The following AHRR variants were observed in gnomAD, a reference collection of about 807,000 sequenced individuals.
The protein encoded by AHRR is ahR repressor.
In AHRR, 28 loss-of-function variants were observed where a neutral mutation model predicts 44.0. That is an observed-to-expected ratio of 0.64 (90% CI 0.47 to 0.87). The LOEUF is 0.87. AHRR is among the 40% of genes least tolerant of loss of function. The pLI is 0.00. For missense variants in AHRR, 990 were observed against 953.9 expected (o/e 1.04, Z -0.50); for synonymous variants, 434 against 407.0 (o/e 1.07, Z -0.80).
Position 326,614 on chromosome 5 carries a change from C to G in AHRR, c.-11+4795C>G, listed in dbSNP as rs542321673. On this transcript the variant is annotated intron_variant, in intron 1 of 10. Transcript: ENST00000684583. This position sits in a 1 kb window ranked among gnomAD's most constrained non-coding sequence, Gnocchi z 4.1. ...AGGTGTGTACCTAGGAGTGGAGTTA[C>G]TGGATCATATAGTGATTCTGTGTTT... Among the ~76,000 whole-genome samples the G allele has an allele frequency of 5.9e-5, 9 of 152,300 alleles. No individual in the cohort carries two copies. The South Asian group carries it at 1.9e-3, about 32-fold the overall frequency.
rs1003749620 is a variant in AHRR, at chr5:383,568, T to C, written c.351+6852T>C. The stretch of plus-strand genomic sequence containing the variant: ...TAGCATTCCAGCTTTCTTTTCTTTT[T>C]TTTTTTTTAATACAGACAGGGTCTT... On this transcript the variant is annotated intron_variant, in intron 4 of 10. Coordinates refer to ENST00000684583, the MANE Select transcript of AHRR (RefSeq NM_001377236.1). The surrounding 1 kb of genome is among the most constrained non-coding windows in gnomAD (Gnocchi z 4.0). Among the ~76,000 whole-genome samples, 3 of 151,946 alleles carry C rather than the reference T, an allele frequency of 2.0e-5. No homozygotes were observed. The highest frequency in any genetic ancestry group is 2.1e-4 in the South Asian group (1 of 4,826).
At chr5:363,557 C>T (rs185337101) in intron 3 of AHRR, among the ~76,000 whole-genome samples, 1 of 152,320 alleles carries the variant, frequency 6.6e-6, no homozygotes, top group East Asian at 1.9e-4. Flanking sequence ...GAAATGTGCA[C>T]CTTTGATCCA....
At chr5:389,745 G>A (rs1288255934) in intron 4 of AHRR, among the ~76,000 whole-genome samples, 9 of 151,908 alleles carry the variant, frequency 5.9e-5, no homozygotes, top group Non-Finnish European at 8.8e-5. Context: ...CAGGACACAC[G>A]GCACAGGCCC....
At chr5:421,192 G>A in intron 5 of AHRR, 1 of 645,698 alleles carries the variant, frequency 1.5e-6, no homozygotes, top group Non-Finnish European at 2.8e-6. Flanking sequence ...TGCCGGGCAG[G>A]AGGCCCTTGC....
At chr5:415,170 G>T (rs2126515771) in intron 5 of AHRR, among the ~76,000 whole-genome samples, 1 of 152,376 alleles carries the variant, frequency 6.6e-6, no homozygotes, top group South Asian at 2.1e-4. Flanking sequence ...ACACTGCGGG[G>T]TGCACACCGG....
intron 4 of AHRR, among the ~76,000 whole-genome samples, chr5:378,103 G>T (rs1733819448): frequency 1.3e-5 from 2 of 152,218 alleles, no homozygotes; most frequent in Non-Finnish European, 2.9e-5. Flanking sequence ...TATGGTGAGG[G>T]TTCCTCACTG....
rs913994491 is a variant in AHRR at position 437,070 on chromosome 5, CAGGCG to C, written c.*2237_*2241del. 37 of 152,550 alleles carry C rather than the reference CAGGCG, an allele frequency of 2.4e-4. No individual in the cohort carries two copies. Among genetic ancestry groups the C allele is most frequent in the African/African-American group, 7.9e-4 (33 of 41,576 alleles). 9.4% of individuals were successfully genotyped at this position (152,550 alleles called of 1,614,324 possible). On this transcript the variant is annotated 3_prime_UTR_variant, in exon 11 of 11. Coordinates refer to ENST00000684583, the MANE Select transcript of AHRR (RefSeq NM_001377236.1). ...ACCCTTAATAATTAGGCCTGCAGGC[CAGGCG>C]CAGTGGCTCATGCCTATAATCCCAG...
Position 434,491 on chromosome 5 carries a change from T to C in AHRR, c.1751T>C (p.Ile584Thr), listed in dbSNP as rs751469027. 17 of 1,613,130 alleles carry C rather than the reference T, an allele frequency of 1.1e-5. No individual in the cohort carries two copies. The South Asian group carries it at 1.9e-4, about 18-fold the overall frequency. The stretch of plus-strand genomic sequence containing the variant: ...CCAGACTCTCGGCAACAGGTGTACA[T>C]CTCGCACCTGGGGCACGGCGTGCGG... The part of the protein sequence containing the change: ...TEPDSRQQVY[I>T]SHLGHGVRGA... Residue 584 changes from isoleucine to threonine, a missense_variant, in exon 11 of 11, where the codon ATC becomes ACC. Ile to Thr is a moderately conservative substitution (Grantham distance 89). Coordinates refer to ENST00000684583, the MANE Select transcript of AHRR (RefSeq NM_001377236.1).
chr5:389,167 G>A (rs950906634), intron 4 of AHRR, among the ~76,000 whole-genome samples: 2 of 151,686 alleles, frequency 1.3e-5, no homozygotes, highest in African/African-American at 4.8e-5. Context: ...GGGAGCCCGG[G>A]GGCCCAGTGG....
intron 4 of AHRR, among the ~76,000 whole-genome samples, chr5:398,409 C>A (rs116317066): frequency 7.4e-6 from 1 of 135,382 alleles, no homozygotes; most frequent in African/African-American, 2.8e-5. Context: ...GACTGTCCAC[C>A]TTAGCCCCTG....
At chr5:401,237 G>C (rs11750818) in intron 4 of AHRR, among the ~76,000 whole-genome samples, 14,977 of 152,276 alleles carry the variant, frequency 0.098, 1,014 homozygotes, top group Admixed American at 0.13. Flanking sequence ...GGAGTCTGAG[G>C]GGTGGATGCC....
chr5:413,637 T>C (rs1735567078), intron 5 of AHRR, among the ~76,000 whole-genome samples: 1 of 152,152 alleles, frequency 6.6e-6, no homozygotes, highest in African/African-American at 2.4e-5. Flanking sequence ...GGCAAGAGGC[T>C]TCTCAGTGTT....
intron 5 of AHRR, chr5:421,376 G>A: frequency 1.6e-6 from 1 of 618,160 alleles, no homozygotes; most frequent in Non-Finnish European, 2.9e-6. Flanking sequence ...TCCGCGCACA[G>A]TACCAGCCCC....
intron 3 of AHRR, among the ~76,000 whole-genome samples, chr5:354,253 G>A (rs182643289): frequency 3.2e-4 from 49 of 152,336 alleles, no homozygotes; most frequent in Admixed American, 2.7e-3. Flanking sequence ...GTTCCTCCCC[G>A]TGCTGGGCCT....
At chr5:426,435 G>GATGA (rs1411062168) in intron 7 of AHRR, among the ~76,000 whole-genome samples, 1 of 151,164 alleles carries the variant, frequency 6.6e-6, no homozygotes, top group Non-Finnish European at 1.5e-5. Context: ...AAGATGGATG[G>GATGA]ACAGATGGAA....
chr5:370,108 G>A lies in AHRR; in HGVS notation c.245-6502G>A, dbSNP rs548399905. 4.0e-5 allele frequency among the ~76,000 whole-genome samples: 6 copies of A among 148,976 alleles called. No homozygotes were observed. The highest frequency in any genetic ancestry group is 1.0e-4 in the African/African-American group (4 of 39,486). On this transcript the variant is annotated intron_variant, in intron 3 of 10. Transcript: ENST00000684583. This position sits in a 1 kb window ranked among gnomAD's most constrained non-coding sequence, Gnocchi z 4.5. ...GGAAGCCCCGTCCTCCCGGGCCCTC[G>A]CTGGAAGCCCCGTCCTCCCGGGCCC...
rs1272497774 is a variant in AHRR, at chr5:338,317, T to C, written c.-10-5576T>C. 1.3e-5 allele frequency among the ~76,000 whole-genome samples: 2 copies of C among 152,222 alleles called. No homozygotes were observed. The highest frequency in any genetic ancestry group is 4.8e-5 in the African/African-American group (2 of 41,458). ...ATTTTCCTTTGGCCTGTAATGTTTC[T>C]TATAGTGTGGGTCAGCTAGTGATGA... On this transcript the variant is annotated intron_variant, in intron 1 of 10. Coordinates refer to ENST00000684583, the MANE Select transcript of AHRR (RefSeq NM_001377236.1). The surrounding 1 kb of genome is among the most constrained non-coding windows in gnomAD (Gnocchi z 4.1).
intron 3 of AHRR, among the ~76,000 whole-genome samples, chr5:355,818 G>A (rs1043985685): frequency 3.9e-5 from 6 of 152,242 alleles, no homozygotes; most frequent in Non-Finnish European, 8.8e-5. Context: ...ACTCTCAGGG[G>A]CCACCGGCTT....
rs777025129 is a variant in AHRR, at chr5:432,920, T to C, written c.1085T>C (p.Leu362Pro). Reference sequence around the variant, plus strand: ...CTGTGCCTCCGGGGTGGCCCTGACCTTGTCCTTGACCCCAAGGGGGGCTCA... The same window carrying C: ...CTGTGCCTCCGGGGTGGCCCTGACCCTGTCCTTGACCCCAAGGGGGGCTCA... ...PCLCLRGGPD[L>P]VLDPKGGSGD... The change falls in exon 10 of 11, where the codon CTT (leucine) becomes CCT (proline). Residue 362 changes from leucine (L) to proline (P), a missense_variant. Transcript: ENST00000684583. 4 of 1,611,668 alleles carry C rather than the reference T, an allele frequency of 2.5e-6. No homozygotes were observed. The highest frequency in any genetic ancestry group is 3.4e-6 in the Non-Finnish European group (4 of 1,179,044).
Sources: allele counts gnomAD v4.1 joint callset (sites outside exome capture counted in the v4.1 genomes callset), GRCh38; gene constraint gnomAD v4.1.1; non-coding constraint Gnocchi (gnomAD v3.1); transcripts MANE v1.5; gene names NCBI Gene and HGNC (gene_info 2026-07-23, HGNC 2026-07-21).